The following NTF3 variants were observed in gnomAD, a reference collection of about 807,000 sequenced individuals.
The protein encoded by NTF3 is neurotrophin-3.
In NTF3, 8 loss-of-function variants were observed where a neutral mutation model predicts 26.3. The ratio of observed to expected loss-of-function variants is 0.30; its 90% CI spans 0.18 to 0.55. The LOEUF (loss-of-function observed/expected upper bound fraction) is 0.55, where lower values mean the gene tolerates loss of function less well. Among genes scored for constraint, NTF3 ranks in the 20% least tolerant of loss-of-function variants. NTF3 has a pLI of 0.93. For missense variants in NTF3, 276 were observed against 352.9 expected (o/e 0.78, Z 1.75); for synonymous variants, 154 against 145.5 (o/e 1.06, Z -0.42).
chr12:5,470,704 T>C (rs1940654383), intron 1 of NTF3, among the ~76,000 whole-genome samples: 1 of 152,204 alleles, frequency 6.6e-6, no homozygotes, highest in Admixed American at 6.5e-5. Context: ...TTCAGCACTG[T>C]GTCTCCTTCC....
chr12:5,458,093 T>C (rs908265318), intron 1 of NTF3, among the ~76,000 whole-genome samples: 2 of 152,126 alleles, frequency 1.3e-5, no homozygotes, highest in African/African-American at 4.8e-5. Flanking sequence ...CTGTTCACAC[T>C]CTCCCCACCT....
chr12:5,484,261 TAG>T (rs1190281149), intron 1 of NTF3, among the ~76,000 whole-genome samples: 1 of 152,054 alleles, frequency 6.6e-6, no homozygotes, highest in African/African-American at 2.4e-5. Flanking sequence ...ACAATCCTAA[TAG>T]AGTTGGATGC....
At chr12:5,432,590 C>G (rs1940108661) in intron 1 of NTF3, among the ~76,000 whole-genome samples, 1 of 150,786 alleles carries the variant, frequency 6.6e-6, no homozygotes, top group East Asian at 2.0e-4. Flanking sequence ...CACACACACA[C>G]ACACACACAC....
intron 1 of NTF3, among the ~76,000 whole-genome samples, chr12:5,447,948 G>C (rs182790788): frequency 1.3e-5 from 2 of 152,228 alleles, no homozygotes; most frequent in Non-Finnish European, 2.9e-5. Context: ...GGGTAGCTTA[G>C]TGAGGGACAT....
intron 1 of NTF3, among the ~76,000 whole-genome samples, chr12:5,478,051 T>C (rs1940745421): frequency 6.6e-6 from 1 of 152,230 alleles, no homozygotes; most frequent in African/African-American, 2.4e-5. Context: ...TTGCTGTACA[T>C]TTAAAGGTTT....
At chr12:5,453,522 G>A (rs985741471) in intron 1 of NTF3, among the ~76,000 whole-genome samples, 5 of 152,148 alleles carry the variant, frequency 3.3e-5, no homozygotes, top group East Asian at 3.9e-4. Flanking sequence ...GAACCTGGTC[G>A]GCAGCTTTTC....
Position 5,495,053 on chromosome 12 carries a change from A to G in NTF3, c.*65A>G. The G allele has an allele frequency of 7.0e-7, 1 of 1,425,288 alleles. No homozygotes were observed. Among genetic ancestry groups the G allele is most frequent in the East Asian group, 2.5e-5 (1 of 40,274 alleles). The allele number at this position is 1,425,288 out of a possible 1,614,324, so 88.3% of individuals were successfully genotyped here. A position where few individuals can be genotyped will look rare whatever the true frequency, so the allele number is the denominator to read the frequency against. ...TATATGATATGCATGTAGCATATAA[A>G]TGTTTATATTGTTTTTATATATTAT... is the stretch of plus-strand genomic sequence containing the variant. On this transcript the variant is annotated 3_prime_UTR_variant, in exon 2 of 2. Transcript: ENST00000423158.
At position 5,461,697 on chromosome 12, in the gene NTF3, G is replaced by A. The variant is rs576306532; in HGVS notation, c.18+29355G>A. Among the ~76,000 whole-genome samples the A allele has an allele frequency of 5.9e-5, 9 of 152,206 alleles. No homozygotes were observed. The South Asian group carries it at 1.0e-3, about 18-fold the overall frequency. On this transcript the variant is annotated intron_variant, in intron 1 of 1. Coordinates refer to ENST00000423158, the MANE Select transcript of NTF3 (RefSeq NM_001102654.2). Reference sequence around the variant, plus strand: ...TCAATAATGATTGTCCCAGGGAAGTGTATTCAAGGGTCACATAAAATGTGC... The same window carrying A: ...TCAATAATGATTGTCCCAGGGAAGTATATTCAAGGGTCACATAAAATGTGC...
At chr12:5,471,899 C>T (rs937766776) in intron 1 of NTF3, among the ~76,000 whole-genome samples, 2 of 152,114 alleles carry the variant, frequency 1.3e-5, no homozygotes, top group Non-Finnish European at 2.9e-5. Context: ...AAATCTCCCA[C>T]ATGTGCATCA....
chr12:5,485,403 A>T (rs935113171), intron 1 of NTF3, among the ~76,000 whole-genome samples: 1 of 152,226 alleles, frequency 6.6e-6, no homozygotes, highest in Non-Finnish European at 1.5e-5. Flanking sequence ...GATCACAGAG[A>T]CAGGGGTTTG....
rs139004435 is a variant in NTF3, at chr12:5,490,272, G to A, written c.19-3922G>A. ...GTAAGCAGTGCCTGGGGTAGGTCTC[G>A]ATCGTAGCAGGCGCTCATTCAGTAA... On this transcript the variant is annotated intron_variant, in intron 1 of 1. Coordinates refer to ENST00000423158, the MANE Select transcript of NTF3 (RefSeq NM_001102654.2). 6.5e-3 allele frequency among the ~76,000 whole-genome samples: 990 copies of A among 152,276 alleles called. 18 individuals carry two copies. Among genetic ancestry groups the A allele is most frequent in the African/African-American group, 0.022 (930 of 41,550 alleles).
intron 1 of NTF3, chr12:5,493,992 G>A: frequency 1.7e-6 from 1 of 597,026 alleles, no homozygotes. Context: ...CGGCAGACCT[G>A]GAGTGCATTC....
At chr12:5,457,176 G>A (rs1940462964) in intron 1 of NTF3, among the ~76,000 whole-genome samples, 1 of 152,260 alleles carries the variant, frequency 6.6e-6, no homozygotes, top group Admixed American at 6.5e-5. Context: ...TGCATGGTCA[G>A]AAGTTAGAAA....
chr12:5,432,945 C>T (rs1368514897), intron 1 of NTF3, among the ~76,000 whole-genome samples: 1 of 152,180 alleles, frequency 6.6e-6, no homozygotes, highest in Non-Finnish European at 1.5e-5. Context: ...CAGCTCGCCC[C>T]AGCACCACTC....
In NTF3 at chr12:5,494,080, G is replaced by A; in HGVS notation, c.19-114G>A. 1 of 922,466 alleles carries A rather than the reference G, an allele frequency of 1.1e-6. No individual in the cohort carries two copies. Among genetic ancestry groups the A allele is most frequent in the Non-Finnish European group, 1.6e-6 (1 of 611,936 alleles). The allele number at this position is 922,466 out of a possible 1,614,324, so 57.1% of individuals were successfully genotyped here. ...GGGGAGTTGCCTTGCTTACCTGGGG[G>A]GCGGTACCCTCTCTCGTGCCCTCAC... is the stretch of plus-strand genomic sequence containing the variant. On this transcript the variant is annotated intron_variant, in intron 1 of 1. Coordinates refer to ENST00000423158, the MANE Select transcript of NTF3 (RefSeq NM_001102654.2). The surrounding 1 kb of genome is among the most constrained non-coding windows in gnomAD (Gnocchi z 8.3).
intron 1 of NTF3, among the ~76,000 whole-genome samples, chr12:5,450,789 G>A (rs1940363003): frequency 6.6e-6 from 1 of 152,150 alleles, no homozygotes; most frequent in Non-Finnish European, 1.5e-5. Context: ...TGCTGTACTT[G>A]TTTTTCTAAT....
chr12:5,483,604 T>G (rs1030338772), intron 1 of NTF3, among the ~76,000 whole-genome samples: 1 of 152,228 alleles, frequency 6.6e-6, no homozygotes, highest in Non-Finnish European at 1.5e-5. Flanking sequence ...AACATATATG[T>G]GCATATGTGT....
At chr12:5,485,469 T>A (rs1940856190) in intron 1 of NTF3, among the ~76,000 whole-genome samples, 1 of 152,228 alleles carries the variant, frequency 6.6e-6, no homozygotes, top group South Asian at 2.1e-4. Flanking sequence ...TACTTAATCC[T>A]TCTGAGCCTC....
At position 5,434,472 on chromosome 12, in the gene NTF3, AGTGT is replaced by A. The variant is rs59874216; in HGVS notation, c.18+2161_18+2164del. ...GGGAGGGATGGGGATGTTTTTCCAA[AGTGT>A]GTGTGTGTGTGTGTGTGTGTGTGTG... On this transcript the variant is annotated intron_variant, in intron 1 of 1. Transcript: ENST00000423158. Among the ~76,000 whole-genome samples, 700 of 142,752 alleles carry A rather than the reference AGTGT, an allele frequency of 4.9e-3. 5 individuals are homozygous for A. The highest frequency in any genetic ancestry group is 0.012 in the East Asian group (59 of 4,886). The allele number at this position is 142,752 out of a possible 152,430, so 93.7% of individuals were successfully genotyped here. A position where few individuals can be genotyped will look rare whatever the true frequency, so the allele number is the denominator to read the frequency against.
Sources: gnomAD v4.1 joint callset for allele counts (sites outside exome capture counted in the v4.1 genomes callset) on GRCh38, gnomAD v4.1.1 for gene constraint, Gnocchi (gnomAD v3.1) non-coding constraint, MANE v1.5 for transcripts, NCBI Gene and HGNC (gene_info 2026-07-23, HGNC 2026-07-21) for gene names.